Variants in MICAL2 observed in about 807,000 individuals in gnomAD.
MICAL2 encodes microtubule associated monooxygenase, calponin and LIM domain containing 2.
MICAL2 carries 77 observed loss-of-function variants against 127.3 expected under a neutral mutation model. The ratio of observed to expected loss-of-function variants is 0.60; its 90% CI spans 0.50 to 0.73. The LOEUF is 0.73. Among genes scored for constraint, MICAL2 ranks in the 30% least tolerant of loss-of-function variants. The probability of loss-of-function intolerance (pLI) is 0.00; values close to 1 mark genes in which losing one functional copy is unlikely to be tolerated. For missense variants in MICAL2, 1,351 were observed against 1,434.4 expected, an observed-to-expected ratio of 0.94 and a Z score of 0.94; for synonymous variants, 570 against 551.1, an observed-to-expected ratio of 1.03 and a Z score of -0.48.
At chr11:12,236,068 A>T in intron 15 of MICAL2, 109 bp from the exon 16 acceptor site, 1 of 869,304 alleles carries the variant, frequency 1.2e-6, no homozygotes, top group Non-Finnish European at 2.0e-6. Context: ...GTGGGCAGGG[A>T]CACATCCTCA....
chr11:12,302,364 T>A (rs1050696771), intron 29 of MICAL2, among the ~76,000 whole-genome samples: 2 of 152,200 alleles, frequency 1.3e-5, no homozygotes, highest in Non-Finnish European at 2.9e-5. Flanking sequence ...GTTGTACCAA[T>A]GTATATACTC....
chr11:12,180,771 T>C (rs1857361370), intron 3 of MICAL2, among the ~76,000 whole-genome samples: 1 of 15,502 alleles, frequency 6.5e-5, no homozygotes. Flanking sequence ...TCCTAGACTT[T>C]AGTTGCTCAA....
intron 15 of MICAL2, among the ~76,000 whole-genome samples, chr11:12,230,027 G>C (rs948734972): frequency 6.6e-6 from 1 of 152,174 alleles, no homozygotes; most frequent in Non-Finnish European, 1.5e-5. Flanking sequence ...CTGTGGGTGG[G>C]TTAGGTTGTT....
At chr11:12,196,831 G>C (rs1370012357) in intron 3 of MICAL2, among the ~76,000 whole-genome samples, 13 of 152,002 alleles carry the variant, frequency 8.6e-5, no homozygotes, top group Non-Finnish European at 1.5e-4. Flanking sequence ...CTACTCTCCT[G>C]GTTTCACCTT....
rs767309992 is a variant in MICAL2, at chr11:12,208,155, C to CT, written c.589+21dup. ...GAAAATCAAAGTACAGTATAATTTTCTTTTTCTGCCTAGAAAGCAGATACT... is the reference window on the plus strand; with the variant it reads ...GAAAATCAAAGTACAGTATAATTTTCTTTTTTCTGCCTAGAAAGCAGATACT... On this transcript the variant is annotated intron_variant, in intron 5 of 27. Transcript: ENST00000683283. 6.3e-7 allele frequency: 1 copy of CT among 1,580,642 alleles called. No individual in the cohort carries two copies. The highest frequency in any genetic ancestry group is 1.3e-5 in the African/African-American group (1 of 74,098).
At chr11:12,263,161 G>C (rs1413742822) in intron 27 of MICAL2, 1 of 152,254 alleles carries the variant, frequency 6.6e-6, no homozygotes, top group East Asian at 1.9e-4. Flanking sequence ...TTTTGCTGTG[G>C]CTCTTCTTAT....
chr11:12,111,231 AGTGGC>A (rs1434084134), intron 1 of MICAL2, among the ~76,000 whole-genome samples: 1 of 152,128 alleles, frequency 6.6e-6, no homozygotes, highest in Non-Finnish European at 1.5e-5. Context: ...GCCAAATGTC[AGTGGC>A]CTGGCTGGCC....
chr11:12,358,507 G>T, downstream of MICAL2: 1 of 1,607,504 alleles, frequency 6.2e-7, no homozygotes, highest in Non-Finnish European at 8.5e-7. Flanking sequence ...CTCCCTGGCT[G>T]CACGTTGGGA....
At chr11:12,209,405 A>T in intron 5 of MICAL2, 92 bp from the exon 6 acceptor site, 1 of 995,088 alleles carries the variant, frequency 1.0e-6, no homozygotes, top group Non-Finnish European at 1.6e-6. Context: ...ACCTGGCTGC[A>T]CTGTCCATTT....
intron 29 of MICAL2, among the ~76,000 whole-genome samples, chr11:12,305,640 A>G (rs920046868): frequency 4.6e-5 from 7 of 152,236 alleles, no homozygotes; most frequent in Non-Finnish European, 4.4e-5. Context: ...CTCTCACAAA[A>G]TATCTTACTG....
At chr11:12,195,036 A>G (rs1370948517) in intron 3 of MICAL2, among the ~76,000 whole-genome samples, 1 of 152,196 alleles carries the variant, frequency 6.6e-6, no homozygotes, top group Non-Finnish European at 1.5e-5. Context: ...AGGCTGAGGC[A>G]GGATGATCGC....
At chr11:12,229,347 T>G (rs1311582816) in intron 15 of MICAL2, among the ~76,000 whole-genome samples, 3 of 152,232 alleles carry the variant, frequency 2.0e-5, no homozygotes, top group Non-Finnish European at 4.4e-5. Flanking sequence ...TCTCCCACTC[T>G]GAGCCGGCCC....
At position 12,212,396 on chromosome 11, in the gene MICAL2, A is replaced by G. The variant is rs537279455; in HGVS notation, c.692-859A>G. On this transcript the variant is annotated intron_variant, in intron 6 of 27. Transcript: ENST00000683283. ...CTGGCTGAGGTGGGAGGATCGCTTGACCCTGGGAGGTCGAGGCTGCAGTGA... is the reference window on the plus strand; with the variant it reads ...CTGGCTGAGGTGGGAGGATCGCTTGGCCCTGGGAGGTCGAGGCTGCAGTGA... Among the ~76,000 whole-genome samples, 6 of 152,186 alleles carry G rather than the reference A, an allele frequency of 3.9e-5. No homozygotes were observed. The East Asian group carries it at 9.7e-4, about 25-fold the overall frequency.
chr11:12,280,833 C>A (rs889368165), intron 1 of MICAL2: 25 of 397,770 alleles, frequency 6.3e-5, no homozygotes, highest in African/African-American at 1.0e-4. Flanking sequence ...CCAGGCCCCC[C>A]AGGTGCGCTG....
chr11:12,188,558 T>C lies in MICAL2; in HGVS notation c.265-15692T>C, dbSNP rs139268691. On this transcript the variant is annotated intron_variant, in intron 3 of 27. Transcript: ENST00000683283. ...CAAAATTATCTGGTCCCAAATGTAG[T>C]AGTGCTGAGGTTGAGAAACCCAGTT... is the stretch of plus-strand genomic sequence containing the variant. Among the ~76,000 whole-genome samples, 902 of 152,316 alleles carry C rather than the reference T, an allele frequency of 5.9e-3. 10 individuals are homozygous for C. Among genetic ancestry groups the C allele is most frequent in the African/African-American group, 0.021 (880 of 41,564 alleles).
At chr11:12,284,812 C>G (rs1565293008) in intron 2 of MICAL2, among the ~76,000 whole-genome samples, 1 of 152,078 alleles carries the variant, frequency 6.6e-6, no homozygotes, top group South Asian at 2.1e-4. Context: ...CATACAGGCT[C>G]CTCCTCAAAC....
intron 3 of MICAL2, among the ~76,000 whole-genome samples, chr11:12,172,790 T>TC (rs1359007072): frequency 1.3e-4 from 20 of 151,812 alleles, no homozygotes; most frequent in Admixed American, 3.3e-4. Context: ...GTCAGTCTCC[T>TC]CCCCCTGCTA....
chr11:12,228,822 G>A (rs1857825187), intron 15 of MICAL2, among the ~76,000 whole-genome samples: 1 of 152,206 alleles, frequency 6.6e-6, no homozygotes, highest in African/African-American at 2.4e-5. Flanking sequence ...AGAGTTCTAG[G>A]ACTGGAGTGG....
intron 1 of MICAL2, among the ~76,000 whole-genome samples, chr11:12,122,054 A>G (rs534190852): frequency 8.5e-5 from 13 of 152,328 alleles, no homozygotes; most frequent in African/African-American, 3.1e-4. Context: ...CTGTCAGCCA[A>G]GATTTTTGGA....
Sources: allele counts gnomAD v4.1 joint callset (sites outside exome capture counted in the v4.1 genomes callset), GRCh38; gene constraint gnomAD v4.1.1; transcripts MANE v1.5; gene names NCBI Gene and HGNC (gene_info 2026-07-23, HGNC 2026-07-21).